The following DIAPH2 variants were observed in gnomAD, a reference collection of about 807,000 sequenced individuals.
DIAPH2 encodes diaphanous related formin 2.
A neutral mutation model predicts 92.7 loss-of-function variants in DIAPH2; 35 were observed. That is an observed-to-expected ratio of 0.38 (90% CI 0.29 to 0.50). The LOEUF (loss-of-function observed/expected upper bound fraction) is 0.50. Among genes scored for constraint, DIAPH2 ranks in the 20% least tolerant of loss-of-function variants. The probability of loss-of-function intolerance (pLI) is 0.94; values close to 1 mark genes in which losing one functional copy is unlikely to be tolerated. For synonymous variants in DIAPH2, 301 were observed against 280.4 expected (o/e 1.07, Z -0.73); for missense variants, 701 against 819.5 (o/e 0.86, Z 1.77).
intron 23 of DIAPH2, among the ~76,000 whole-genome samples, chrX:97,323,920 A>T (rs187858462): frequency 0.025 from 2,745 of 109,445 alleles, 75 homozygotes; most frequent in African/African-American, 0.085. Flanking sequence ...AAAAAAAAAA[A>T]AAAAATAAGT....
chrX:96,798,995 A>C (rs1452222692), intron 4 of DIAPH2, among the ~76,000 whole-genome samples: 29 of 109,960 alleles, frequency 2.6e-4, no homozygotes, highest in Admixed American at 2.3e-3. Context: ...AGTCTCCTCT[A>C]AACTTGTACG....
At chrX:97,407,316 T>A (rs1031387364) in intron 25 of DIAPH2, among the ~76,000 whole-genome samples, 3 of 112,251 alleles carry the variant, frequency 2.7e-5, no homozygotes, top group Non-Finnish European at 5.6e-5. Flanking sequence ...TATTTCATTT[T>A]ACTTTATTAG....
chrX:96,939,502 A>ATATATATATG (rs1208288456), intron 12 of DIAPH2, 120 bp downstream of exon 12: 26 of 79,442 alleles, frequency 3.3e-4, no homozygotes, highest in Non-Finnish European at 2.2e-4. Flanking sequence ...ATATATATGT[A>ATATATATATG]TATATATATG....
chrX:97,160,254 C>T lies in DIAPH2; in HGVS notation c.2719+18460C>T, dbSNP rs183643827. On this transcript the variant is annotated intron_variant, in intron 22 of 26. Transcript: ENST00000324765. ...TCCCTAGTTTTGTTGATATGCAGAA[C>T]CTCCTAAAGAAGCATCTCAGACAAA... Among the ~76,000 whole-genome samples, 52 of 111,390 alleles carry T rather than the reference C, an allele frequency of 4.7e-4. No individual in the cohort carries two copies. The Middle Eastern group carries it at 0.018, about 39-fold the overall frequency.
At chrX:97,277,670 C>T (rs1302204523) in intron 23 of DIAPH2, among the ~76,000 whole-genome samples, 1 of 111,745 alleles carries the variant, frequency 8.9e-6, no homozygotes, top group East Asian at 2.8e-4. Context: ...CCCAACACCC[C>T]TTCCTACTGG....
intron 4 of DIAPH2, among the ~76,000 whole-genome samples, chrX:96,835,907 G>C (rs2064883105): frequency 9.1e-6 from 1 of 109,808 alleles, no homozygotes; most frequent in Non-Finnish European, 1.9e-5. Context: ...TCAACTTCCC[G>C]GACTCAGGTG....
rs779439932 is a variant in DIAPH2, at chrX:97,210,100, T to G, written c.2720-37615T>G. Among the ~76,000 whole-genome samples the G allele has an allele frequency of 6.3e-5, 7 of 111,616 alleles. No individual in the cohort carries two copies. The East Asian group carries it at 2.0e-3, about 31-fold the overall frequency. ...TGTAATTATACTATAATAATCTCAA[T>G]TTATGTCAAGGAAGTGTGGATGACT... is the stretch of plus-strand genomic sequence containing the variant. On this transcript the variant is annotated intron_variant, in intron 22 of 26. Coordinates refer to ENST00000324765, the MANE Select transcript of DIAPH2 (RefSeq NM_006729.5).
chrX:97,113,660 C>G (rs1466640331), intron 20 of DIAPH2, among the ~76,000 whole-genome samples: 1 of 111,865 alleles, frequency 8.9e-6, no homozygotes, highest in African/African-American at 3.2e-5. Flanking sequence ...ATATGGTCTG[C>G]CCAACAGCTC....
In DIAPH2 at chrX:96,931,897, T is replaced by C. The variant is rs943815226; in HGVS notation, c.1089+1054T>C. Among the ~76,000 whole-genome samples, 26 of 111,341 alleles carry C rather than the reference T, an allele frequency of 2.3e-4. 1 individual carries two copies. Among genetic ancestry groups the C allele is most frequent in the Admixed American group, 9.6e-4 (10 of 10,468 alleles). ...TCTATGTCAATCCCACCTGAAGCAG[T>C]TCTTTCATTCTTGACACTTAAAACC... On this transcript the variant is annotated intron_variant, in intron 10 of 26. Coordinates refer to ENST00000324765, the MANE Select transcript of DIAPH2 (RefSeq NM_006729.5).
chrX:97,126,386 A>G (rs2067094760), intron 21 of DIAPH2, among the ~76,000 whole-genome samples: 1 of 112,147 alleles, frequency 8.9e-6, no homozygotes, highest in Admixed American at 9.5e-5. Flanking sequence ...TGATACTAAA[A>G]TAAAGCTCTG....
intron 21 of DIAPH2, among the ~76,000 whole-genome samples, chrX:97,120,990 A>T (rs1161663830): frequency 1.8e-5 from 2 of 112,258 alleles, no homozygotes; most frequent in Non-Finnish European, 3.8e-5. Flanking sequence ...ATCCACACAC[A>T]CAAAAGAATC....
chrX:97,192,006 C>A (rs986295739), intron 22 of DIAPH2, among the ~76,000 whole-genome samples: 7 of 111,419 alleles, frequency 6.3e-5, no homozygotes, highest in African/African-American at 2.3e-4. Flanking sequence ...AAAATAAGTA[C>A]TTTTGCTGAG....
intron 22 of DIAPH2, among the ~76,000 whole-genome samples, chrX:97,235,957 A>T (rs951525411): frequency 1.8e-5 from 2 of 111,889 alleles, no homozygotes; most frequent in African/African-American, 3.2e-5. Context: ...GCATATAGTA[A>T]TCCTATTAAT....
intron 15 of DIAPH2, among the ~76,000 whole-genome samples, chrX:96,956,020 T>C (rs759989175): frequency 8.9e-6 from 1 of 112,725 alleles, no homozygotes; most frequent in African/African-American, 3.2e-5. Context: ...CAACCCCACA[T>C]TTCCCTTCTG....
intron 22 of DIAPH2, among the ~76,000 whole-genome samples, chrX:97,157,708 T>C (rs1445627926): frequency 9.0e-6 from 1 of 111,720 alleles, no homozygotes; most frequent in African/African-American, 3.3e-5. Flanking sequence ...GAACCCTCTT[T>C]TGGGGTCTGC....
chrX:97,001,919 C>T (rs1288419645), intron 17 of DIAPH2, among the ~76,000 whole-genome samples: 4 of 109,434 alleles, frequency 3.7e-5, no homozygotes, highest in South Asian at 3.9e-4. Flanking sequence ...AAATAGGGTA[C>T]GATATTTTAT....
In DIAPH2 at chrX:97,100,583, A is replaced by G. The variant is rs1419143694; in HGVS notation, c.2349+788A>G. 7.1e-5 allele frequency among the ~76,000 whole-genome samples: 8 copies of G among 111,998 alleles called. 1 individual carries two copies. Among genetic ancestry groups the G allele is most frequent in the Admixed American group, 6.6e-4 (7 of 10,538 alleles). ...AAAGCTATTTTTTACTTAGGTGGTCAGTGCAAGTTTGTTTGCTGTATGAAT... is the reference window on the plus strand; with the variant it reads ...AAAGCTATTTTTTACTTAGGTGGTCGGTGCAAGTTTGTTTGCTGTATGAAT... On this transcript the variant is annotated intron_variant, in intron 20 of 26. Coordinates refer to ENST00000324765, the MANE Select transcript of DIAPH2 (RefSeq NM_006729.5).
chrX:96,988,579 C>T (rs2066047781), intron 17 of DIAPH2, among the ~76,000 whole-genome samples: 1 of 110,754 alleles, frequency 9.0e-6, no homozygotes, highest in African/African-American at 3.3e-5. Flanking sequence ...AGGATTAAAA[C>T]AATGTGATCA....
At chrX:97,057,975 A>T (rs1381269718) in intron 17 of DIAPH2, among the ~76,000 whole-genome samples, 2 of 96,336 alleles carry the variant, frequency 2.1e-5, no homozygotes, top group Non-Finnish European at 4.1e-5. Flanking sequence ...TGTTGTCAGT[A>T]AAAAAAAAAA....
Sources: gnomAD v4.1 joint callset for allele counts (sites outside exome capture counted in the v4.1 genomes callset) on GRCh38, gnomAD v4.1.1 for gene constraint, MANE v1.5 for transcripts, NCBI Gene and HGNC (gene_info 2026-07-23, HGNC 2026-07-21) for gene names.